The following SKAP1 variants were observed in gnomAD, a reference collection of about 807,000 sequenced individuals.
SKAP1 encodes src kinase-associated phosphoprotein 1.
A neutral mutation model predicts 58.5 loss-of-function variants in SKAP1; 44 were observed. The observed-to-expected ratio is 0.75, with a 90% CI of 0.59 to 0.97. The LOEUF is 0.97. Ranked by LOEUF, SKAP1 falls within the 50% of genes least tolerant of loss-of-function variation. The pLI is 0.00. For missense variants in SKAP1, 390 were observed against 435.2 expected, an observed-to-expected ratio of 0.90 and a Z score of 0.92; for synonymous variants, 127 against 149.7, an observed-to-expected ratio of 0.85 and a Z score of 1.11.
intron 1 of SKAP1, among the ~76,000 whole-genome samples, chr17:48,424,427 G>A (rs978503299): frequency 4.4e-4 from 66 of 150,930 alleles, no homozygotes; most frequent in African/African-American, 1.6e-3. Flanking sequence ...GGGTTTCACC[G>A]TGTTAGCCAG....
At chr17:48,416,466 G>A (rs1214023348) in intron 1 of SKAP1, among the ~76,000 whole-genome samples, 1 of 152,154 alleles carries the variant, frequency 6.6e-6, no homozygotes, top group East Asian at 1.9e-4. Flanking sequence ...GGTGGGCAGG[G>A]ACTAAAAATC....
At chr17:48,359,040 A>G (rs1425438125) in intron 3 of SKAP1, among the ~76,000 whole-genome samples, 1 of 152,212 alleles carries the variant, frequency 6.6e-6, no homozygotes, top group East Asian at 1.9e-4. Flanking sequence ...CAGATGCATA[A>G]AGCAATATAT....
At chr17:48,326,889 CT>C (rs35868072) in intron 4 of SKAP1, among the ~76,000 whole-genome samples, 11,650 of 121,592 alleles carry the variant, frequency 0.096, 559 homozygotes, top group African/African-American at 0.19. Context: ...TTCTTTCTTT[CT>C]TTTTTTTTTT....
chr17:48,235,963 G>T (rs2065175948), intron 4 of SKAP1, among the ~76,000 whole-genome samples: 1 of 152,198 alleles, frequency 6.6e-6, no homozygotes, highest in African/African-American at 2.4e-5. Flanking sequence ...TAAGAGGAAA[G>T]CCAGCCCAGG....
At chr17:48,345,873 A>G in intron 4 of SKAP1, 32 bp downstream of exon 4, 22 of 1,432,604 alleles carry the variant, frequency 1.5e-5, no homozygotes, top group Non-Finnish European at 2.0e-5. Flanking sequence ...GAAGTATGGT[A>G]GTCACCCAAA....
chr17:48,214,162 CTCA>C (rs1287565901), intron 4 of SKAP1, among the ~76,000 whole-genome samples: 1 of 152,176 alleles, frequency 6.6e-6, no homozygotes, highest in Non-Finnish European at 1.5e-5. Flanking sequence ...ATTTTCATTT[CTCA>C]TCATAAGTCA....
intron 4 of SKAP1, chr17:48,193,769 C>T: frequency 5.1e-6 from 5 of 981,782 alleles, no homozygotes; most frequent in Non-Finnish European, 6.0e-6. Context: ...CCTGGATCCA[C>T]ACCTACTGGT....
chr17:48,252,881 C>T (rs377574956), intron 4 of SKAP1, among the ~76,000 whole-genome samples: 1 of 152,208 alleles, frequency 6.6e-6, no homozygotes, highest in African/African-American at 2.4e-5. Flanking sequence ...GAGGTCTCTG[C>T]TGCTTTATTG....
intron 4 of SKAP1, among the ~76,000 whole-genome samples, chr17:48,316,728 A>C (rs188011000): frequency 3.3e-5 from 5 of 152,308 alleles, no homozygotes; most frequent in Admixed American, 6.5e-5. Flanking sequence ...CAGACATTCC[A>C]CCTAATGTTC....
chr17:48,226,344 T>TA (rs1399791523), intron 4 of SKAP1, among the ~76,000 whole-genome samples: 1 of 152,066 alleles, frequency 6.6e-6, no homozygotes, highest in Non-Finnish European at 1.5e-5. Context: ...TCCCCCAAGA[T>TA]ACGTTTTTTT....
chr17:48,240,475 C>T (rs1215429309), intron 4 of SKAP1, among the ~76,000 whole-genome samples: 1 of 152,190 alleles, frequency 6.6e-6, no homozygotes, highest in Non-Finnish European at 1.5e-5. Flanking sequence ...TTTATTCTAA[C>T]TGTAGAACCC....
chr17:48,359,541 G>A (rs747042116), intron 3 of SKAP1, among the ~76,000 whole-genome samples: 16 of 152,010 alleles, frequency 1.1e-4, no homozygotes, highest in Admixed American at 3.9e-4. Flanking sequence ...AGTTAACATG[G>A]CTTTATAATT....
At chr17:48,145,661 A>G (rs2063823700) in intron 11 of SKAP1, among the ~76,000 whole-genome samples, 1 of 152,000 alleles carries the variant, frequency 6.6e-6, no homozygotes, top group African/African-American at 2.4e-5. Context: ...ATATTGGGGG[A>G]AAACCAGCAG....
At chr17:48,329,372 G>C (rs1333661449) in intron 4 of SKAP1, among the ~76,000 whole-genome samples, 2 of 152,192 alleles carry the variant, frequency 1.3e-5, no homozygotes, top group Admixed American at 6.5e-5. Context: ...CGGAGTCTCT[G>C]TTTTCCTTTT....
chr17:48,180,930 G>A (rs1240184323), intron 8 of SKAP1, among the ~76,000 whole-genome samples: 1 of 152,106 alleles, frequency 6.6e-6, no homozygotes, highest in Non-Finnish European at 1.5e-5. Flanking sequence ...TACAGCACTG[G>A]GGAGCACCAG....
At chr17:48,142,163 T>C (rs1357737956) in intron 11 of SKAP1, among the ~76,000 whole-genome samples, 1 of 151,876 alleles carries the variant, frequency 6.6e-6, no homozygotes, top group Non-Finnish European at 1.5e-5. Flanking sequence ...TGGGGCCAAA[T>C]AAATACTTGT....
At chr17:48,400,036 A>AT (rs2067476322) in intron 1 of SKAP1, among the ~76,000 whole-genome samples, 2 of 152,058 alleles carry the variant, frequency 1.3e-5, no homozygotes, top group South Asian at 4.1e-4. Context: ...CTAATAAAAG[A>AT]GTTCAGCAAC....
At chr17:48,198,997 CCT>C (rs921014632) in intron 4 of SKAP1, among the ~76,000 whole-genome samples, 5 of 152,244 alleles carry the variant, frequency 3.3e-5, no homozygotes, top group Admixed American at 6.5e-5. Context: ...ACGTATTCCC[CCT>C]GAGTCAGATC....
At chr17:48,152,872 T>A (rs1598370368) in intron 11 of SKAP1, among the ~76,000 whole-genome samples, 3 of 152,358 alleles carry the variant, frequency 2.0e-5, no homozygotes, top group Middle Eastern at 6.8e-3. Flanking sequence ...GGCTGGAATT[T>A]TTTACACTGG....
Sources: gnomAD v4.1 joint callset for allele counts (sites outside exome capture counted in the v4.1 genomes callset) on GRCh38, gnomAD v4.1.1 for gene constraint, MANE v1.5 for transcripts, NCBI Gene and HGNC (gene_info 2026-07-23, HGNC 2026-07-21) for gene names.